Variants in BIN3 observed in about 807,000 individuals in gnomAD.
BIN3 encodes the protein bridging integrator 3.
In BIN3, 41 loss-of-function variants were observed where a neutral mutation model predicts 38.2. The ratio of observed to expected loss-of-function variants is 1.07; its 90% CI spans 0.84 to 1.39. The LOEUF is 1.39. BIN3 is among the 40% of genes most tolerant of loss of function. BIN3 has a pLI of 0.00. For missense variants in BIN3, 361 were observed against 324.3 expected, an observed-to-expected ratio of 1.11 and a Z score of -0.87; for synonymous variants, 145 against 122.6, an observed-to-expected ratio of 1.18 and a Z score of -1.21.
intron 2 of BIN3, among the ~76,000 whole-genome samples, chr8:22,638,233 C>A (rs1489950305): frequency 6.6e-6 from 1 of 152,160 alleles, no homozygotes; most frequent in Non-Finnish European, 1.5e-5. Flanking sequence ...AATTCTAAGC[C>A]CCTTAACCTT....
chr8:22,647,879 C>A (rs1321808781), intron 1 of BIN3, among the ~76,000 whole-genome samples: 2 of 152,050 alleles, frequency 1.3e-5, no homozygotes, highest in Non-Finnish European at 2.9e-5. Flanking sequence ...GTAATCCCAG[C>A]ACTTTGGGAG....
intron 1 of BIN3, among the ~76,000 whole-genome samples, chr8:22,653,630 A>G (rs1027878872): frequency 6.6e-6 from 1 of 152,174 alleles, no homozygotes; most frequent in African/African-American, 2.4e-5. Flanking sequence ...CCATCCCCCA[A>G]AAAAGCCTGG....
chr8:22,623,701 A>C (rs1200518161), intron 8 of BIN3, among the ~76,000 whole-genome samples: 1 of 152,222 alleles, frequency 6.6e-6, no homozygotes, highest in Non-Finnish European at 1.5e-5. Context: ...TATGGGATTT[A>C]CCAGAGAGCA....
At chr8:22,624,179 T>C in intron 7 of BIN3, 43 bp downstream of exon 7, 1 of 1,599,752 alleles carries the variant, frequency 6.3e-7, no homozygotes, top group Non-Finnish European at 8.5e-7. Context: ...GTGACCACGA[T>C]GGCCCACCTG....
At chr8:22,635,725 C>CA (rs1411095672) in intron 4 of BIN3, among the ~76,000 whole-genome samples, 1 of 152,202 alleles carries the variant, frequency 6.6e-6, no homozygotes, top group African/African-American at 2.4e-5. Context: ...CAGAGCTGCG[C>CA]AGGGAGTGCT....
At chr8:22,649,954 ATAAG>A (rs986257642) in intron 1 of BIN3, among the ~76,000 whole-genome samples, 8 of 151,958 alleles carry the variant, frequency 5.3e-5, no homozygotes, top group African/African-American at 1.5e-4. Flanking sequence ...TTTTAAATTA[ATAAG>A]TAAAAGAAAT....
Position 22,624,235 on chromosome 8 carries a change from G to A in BIN3, c.467C>T (p.Ala156Val), listed in dbSNP as rs1367856988. 1 of 1,613,546 alleles carries A rather than the reference G, an allele frequency of 6.2e-7. No homozygotes were observed. The highest frequency in any genetic ancestry group is 1.3e-5 in the African/African-American group (1 of 74,942). ...EEKEKTGPVL[A>V]KLHQAREELR... is the part of the protein sequence containing the mutation. ...CTCCCCTGGTACCTGGTGGAGCTTGGCCAGCACTGGCCCCGTCTTCTCCTT... is the reference window on the plus strand; with the variant it reads ...CTCCCCTGGTACCTGGTGGAGCTTGACCAGCACTGGCCCCGTCTTCTCCTT... Residue 156 changes from alanine to valine, a missense_variant, in exon 7 of 9, where the codon GCC becomes GTC. Ala to Val is a moderately conservative substitution (Grantham distance 64). Transcript: ENST00000276416.
At chr8:22,657,578 G>A (rs1173966410) in intron 1 of BIN3, among the ~76,000 whole-genome samples, 1 of 152,204 alleles carries the variant, frequency 6.6e-6, no homozygotes, top group Non-Finnish European at 1.5e-5. Flanking sequence ...TTTATTCCGA[G>A]GCTGCCAAAT....
intron 2 of BIN3, among the ~76,000 whole-genome samples, chr8:22,642,895 G>T (rs576155285): frequency 1.3e-5 from 2 of 152,312 alleles, no homozygotes; most frequent in Admixed American, 1.3e-4. Context: ...CAGCGAGACA[G>T]ATGCGAGGAA....
rs554136563 is a variant in BIN3 at position 22,636,379 on chromosome 8, G to T, written c.160+146C>A. On this transcript the variant is annotated intron_variant, in intron 4 of 8. Coordinates refer to ENST00000276416, the MANE Select transcript of BIN3 (RefSeq NM_018688.6). Reference sequence around the variant, plus strand: ...CAAAGTGGGATGTGACTGGTGAGGAGTGACTGCCCTGAGGCTGCTTCTCAG... The same window carrying T: ...CAAAGTGGGATGTGACTGGTGAGGATTGACTGCCCTGAGGCTGCTTCTCAG... The T allele has an allele frequency of 1.3e-3, 969 of 772,234 alleles. 14 individuals are homozygous for T. In the East Asian group the frequency reaches 0.025, roughly 20 times the overall value. 47.8% of individuals were successfully genotyped at this position (772,234 alleles called of 1,614,324 possible). A position where few individuals can be genotyped will look rare whatever the true frequency, so the allele number is the denominator to read the frequency against.
At chr8:22,646,792 G>A (rs1263315226) in intron 1 of BIN3, among the ~76,000 whole-genome samples, 1 of 152,202 alleles carries the variant, frequency 6.6e-6, no homozygotes, top group Non-Finnish European at 1.5e-5. Flanking sequence ...CCCACACCCT[G>A]GTTACTTTTC....
At chr8:22,629,755 A>G (rs1410153426) in intron 6 of BIN3, 1 of 593,930 alleles carries the variant, frequency 1.7e-6, no homozygotes, top group Admixed American at 2.9e-5. Context: ...GGGTACCCTG[A>G]GCTCGCCTGG....
chr8:22,637,865 C>T (rs779177430), intron 2 of BIN3, among the ~76,000 whole-genome samples: 2 of 152,192 alleles, frequency 1.3e-5, no homozygotes, highest in African/African-American at 2.4e-5. Flanking sequence ...ATTCACAGAG[C>T]CCTCACTGTG....
At chr8:22,642,811 G>C (rs2117553605) in intron 2 of BIN3, among the ~76,000 whole-genome samples, 1 of 152,336 alleles carries the variant, frequency 6.6e-6, no homozygotes, top group African/African-American at 2.4e-5. Flanking sequence ...CCCAAACCTA[G>C]TTTCTTAACC....
intron 1 of BIN3, among the ~76,000 whole-genome samples, chr8:22,663,090 G>A (rs974313827): frequency 3.3e-5 from 5 of 152,218 alleles, no homozygotes; most frequent in Admixed American, 6.5e-5. Flanking sequence ...CTGCACTCCA[G>A]CCTGGGCAAC....
chr8:22,638,061 G>A (rs1336250289), intron 2 of BIN3, among the ~76,000 whole-genome samples: 2 of 139,756 alleles, frequency 1.4e-5, no homozygotes, highest in Non-Finnish European at 3.3e-5. Flanking sequence ...GGCATTTGCT[G>A]ACCCAAGAAA....
chr8:22,656,797 T>C (rs1185480188), intron 1 of BIN3, among the ~76,000 whole-genome samples: 1 of 152,242 alleles, frequency 6.6e-6, no homozygotes, highest in Non-Finnish European at 1.5e-5. Flanking sequence ...AGATGACCAG[T>C]TTGTTCTCCT....
chr8:22,641,647 T>C (rs1585191103), intron 2 of BIN3, among the ~76,000 whole-genome samples: 1 of 152,208 alleles, frequency 6.6e-6, no homozygotes, highest in Non-Finnish European at 1.5e-5. Context: ...TTAACGAGGC[T>C]AAGGGCCCCG....
intron 1 of BIN3, among the ~76,000 whole-genome samples, chr8:22,658,285 C>T (rs1339489699): frequency 6.6e-6 from 1 of 152,166 alleles, no homozygotes; most frequent in East Asian, 1.9e-4. Flanking sequence ...AAAAAAAGTT[C>T]TGTGTGTACG....
Sources: gnomAD v4.1 joint callset for allele counts (sites outside exome capture counted in the v4.1 genomes callset) on GRCh38, gnomAD v4.1.1 for gene constraint, MANE v1.5 for transcripts, NCBI Gene and HGNC (gene_info 2026-07-23, HGNC 2026-07-21) for gene names.